The following PPM1E variants were observed in gnomAD, a reference collection of about 807,000 sequenced individuals.
PPM1E encodes protein phosphatase, Mg2+/Mn2+ dependent 1E.
A neutral mutation model predicts 65.9 loss-of-function variants in PPM1E; 20 were observed. That is an observed-to-expected ratio of 0.30 (90% CI 0.21 to 0.44). The LOEUF is 0.44. PPM1E is among the 20% of genes least tolerant of loss of function. The pLI, the probability that PPM1E is intolerant of heterozygous loss-of-function variation, is 1.00. For missense variants in PPM1E, 713 were observed against 953.1 expected, an observed-to-expected ratio of 0.75 and a Z score of 3.32; for synonymous variants, 352 against 374.9, an observed-to-expected ratio of 0.94 and a Z score of 0.70.
At chr17:58,851,574 C>CA (rs2050826574) in intron 1 of PPM1E, among the ~76,000 whole-genome samples, 2 of 152,190 alleles carry the variant, frequency 1.3e-5, no homozygotes, top group South Asian at 4.1e-4. Context: ...TGGGTATCAC[C>CA]AGCAGATGCT....
chr17:58,834,127 T>C (rs2050631431), intron 1 of PPM1E, among the ~76,000 whole-genome samples: 1 of 152,160 alleles, frequency 6.6e-6, no homozygotes, highest in African/African-American at 2.4e-5. Flanking sequence ...TGCTTAGATG[T>C]AGGGTTTTTT....
intron 1 of PPM1E, among the ~76,000 whole-genome samples, chr17:58,882,247 C>T (rs1469787018): frequency 6.6e-6 from 1 of 152,032 alleles, no homozygotes; most frequent in Non-Finnish European, 1.5e-5. Flanking sequence ...TATCTTATTC[C>T]CCTCTCCAGA....
chr17:58,869,732 G>A (rs1488813240), intron 1 of PPM1E, among the ~76,000 whole-genome samples: 1 of 152,096 alleles, frequency 6.6e-6, no homozygotes, highest in Non-Finnish European at 1.5e-5. Context: ...AAATTTTGTT[G>A]ATGTTGTATT....
chr17:58,772,996 C>G (rs1173939051), intron 1 of PPM1E, among the ~76,000 whole-genome samples: 3 of 144,330 alleles, frequency 2.1e-5, no homozygotes, highest in Non-Finnish European at 3.0e-5. Flanking sequence ...TTCCTCTGAT[C>G]GTTTCTCTCA....
intron 6 of PPM1E, among the ~76,000 whole-genome samples, chr17:58,978,190 A>AG (rs767235604): frequency 2.4e-4 from 36 of 152,230 alleles, no homozygotes; most frequent in Non-Finnish European, 5.0e-4. Context: ...AGAGTTGTGT[A>AG]GGTGACAAGT....
intron 1 of PPM1E, among the ~76,000 whole-genome samples, chr17:58,860,730 G>A (rs1282528719): frequency 1.3e-5 from 2 of 152,172 alleles, no homozygotes; most frequent in African/African-American, 2.4e-5. Context: ...GACCGCCTGA[G>A]GTCAGGAATT....
Position 58,963,295 on chromosome 17 carries a change from G to A in PPM1E, c.584-2399G>A, listed in dbSNP as rs1293382182. Among the ~76,000 whole-genome samples, 5 of 151,524 alleles carry A rather than the reference G, an allele frequency of 3.3e-5. No homozygotes were observed. The South Asian group carries it at 1.0e-3, about 32-fold the overall frequency. On this transcript the variant is annotated intron_variant, in intron 2 of 6. Coordinates refer to ENST00000308249, the MANE Select transcript of PPM1E (RefSeq NM_014906.5). ...CCAGCTACTCGGGAGGCTGAGGTAGGAGAATCGCTTGAACCAGAGAGGCAG... is the reference window on the plus strand; with the variant it reads ...CCAGCTACTCGGGAGGCTGAGGTAGAAGAATCGCTTGAACCAGAGAGGCAG...
intron 1 of PPM1E, among the ~76,000 whole-genome samples, chr17:58,772,975 T>TC (rs533484772): frequency 2.4e-4 from 6 of 24,972 alleles, no homozygotes; most frequent in South Asian, 1.2e-3. Context: ...TTTCTCTCTC[T>TC]TTTTTTTTTT....
At chr17:58,905,239 A>G (rs1482083982) in intron 1 of PPM1E, among the ~76,000 whole-genome samples, 1 of 152,200 alleles carries the variant, frequency 6.6e-6, no homozygotes, top group African/African-American at 2.4e-5. Flanking sequence ...CTTCAAGTAC[A>G]ATGTTGAAAA....
intron 1 of PPM1E, among the ~76,000 whole-genome samples, chr17:58,823,544 A>C (rs764219115): frequency 6.6e-6 from 1 of 152,218 alleles, no homozygotes; most frequent in East Asian, 1.9e-4. Context: ...GCTGGCTGCT[A>C]TCTGAATCAC....
chr17:58,888,267 G>A (rs888026597), intron 1 of PPM1E, among the ~76,000 whole-genome samples: 2 of 150,410 alleles, frequency 1.3e-5, no homozygotes, highest in Non-Finnish European at 3.0e-5. Context: ...TTACAATTAC[G>A]CACTATACAT....
intron 1 of PPM1E, among the ~76,000 whole-genome samples, chr17:58,786,602 G>A (rs962901889): frequency 7.9e-5 from 12 of 152,250 alleles, no homozygotes; most frequent in African/African-American, 1.9e-4. Context: ...ACAGAATGGC[G>A]TGCAGTTTAA....
At chr17:58,842,188 G>A (rs11650343) in intron 1 of PPM1E, among the ~76,000 whole-genome samples, 34,769 of 151,998 alleles carry the variant, frequency 0.23, 5,135 homozygotes, top group Middle Eastern at 0.42. Flanking sequence ...TAGTATACCT[G>A]ACCAGAACTC....
rs151255859 is a variant in PPM1E, at chr17:58,917,958, A to C, written c.465-37691A>C. ...GCTATGAATAAAAGCATTTTCCTAG[A>C]TATTTTCCATAGAATTCCTGAAAAT... On this transcript the variant is annotated intron_variant, in intron 1 of 6. Coordinates refer to ENST00000308249, the MANE Select transcript of PPM1E (RefSeq NM_014906.5). 9.5e-3 allele frequency among the ~76,000 whole-genome samples: 1,447 copies of C among 152,264 alleles called. 11 individuals carry two copies. The highest frequency in any genetic ancestry group is 0.017 in the Middle Eastern group (5 of 294).
At chr17:58,776,276 A>C (rs927820933) in intron 1 of PPM1E, among the ~76,000 whole-genome samples, 1 of 152,124 alleles carries the variant, frequency 6.6e-6, no homozygotes, top group African/African-American at 2.4e-5. Context: ...GCAGTGAGCC[A>C]TGATCGCACC....
At chr17:58,790,231 A>T (rs920703893) in intron 1 of PPM1E, among the ~76,000 whole-genome samples, 7 of 146,300 alleles carry the variant, frequency 4.8e-5, no homozygotes, top group Admixed American at 2.1e-4. Flanking sequence ...GCTAATTAAA[A>T]TTTTTTTTTT....
intron 1 of PPM1E, among the ~76,000 whole-genome samples, chr17:58,787,881 T>A (rs2050116919): frequency 7.1e-6 from 1 of 140,856 alleles, no homozygotes; most frequent in Non-Finnish European, 1.5e-5. Flanking sequence ...CACTCCAGCC[T>A]GGGCAACAGA....
chr17:58,821,347 T>C (rs2050478233), intron 1 of PPM1E, among the ~76,000 whole-genome samples: 1 of 152,242 alleles, frequency 6.6e-6, no homozygotes, highest in African/African-American at 2.4e-5. Context: ...CCTGACCTTC[T>C]GATCCGCCCG....
chr17:58,835,138 C>T lies in PPM1E; in HGVS notation c.464+78677C>T, dbSNP rs559737818. 5.9e-5 allele frequency among the ~76,000 whole-genome samples: 9 copies of T among 152,142 alleles called. No individual in the cohort carries two copies. The South Asian group carries it at 1.7e-3, about 28-fold the overall frequency. ...GGAGGATCACTTGAGCACAGGAGTTCGAGACCAGCCTCAGCAACATAGTGA... is the reference window on the plus strand; with the variant it reads ...GGAGGATCACTTGAGCACAGGAGTTTGAGACCAGCCTCAGCAACATAGTGA... On this transcript the variant is annotated intron_variant, in intron 1 of 6. Coordinates refer to ENST00000308249, the MANE Select transcript of PPM1E (RefSeq NM_014906.5).
Sources: allele counts gnomAD v4.1 joint callset (sites outside exome capture counted in the v4.1 genomes callset), GRCh38; gene constraint gnomAD v4.1.1; transcripts MANE v1.5; gene names NCBI Gene and HGNC (gene_info 2026-07-23, HGNC 2026-07-21).